EML5: variants seen among roughly 807,000 people sequenced by gnomAD.
EML5 encodes echinoderm microtubule-associated protein-like 5.
In EML5, 120 loss-of-function variants were observed where a neutral mutation model predicts 250.0. The ratio of observed to expected loss-of-function variants is 0.48; its 90% CI spans 0.41 to 0.56. The LOEUF is 0.56. EML5 is among the 20% of genes least tolerant of loss of function. The probability of loss-of-function intolerance (pLI) is 0.00; values close to 1 mark genes in which losing one functional copy is unlikely to be tolerated. For synonymous variants in EML5, 771 were observed against 806.5 expected (o/e 0.96, Z 0.75); for missense variants, 2,006 against 2,437.6 (o/e 0.82, Z 3.73).
At chr14:88,716,268 A>G (rs184828724) in intron 8 of EML5, among the ~76,000 whole-genome samples, 51 of 152,314 alleles carry the variant, frequency 3.3e-4, no homozygotes, top group African/African-American at 1.1e-3. Flanking sequence ...GCCCCAAGAT[A>G]AATCCAAGAT....
At chr14:88,684,101 G>C (rs544289927) in intron 20 of EML5, among the ~76,000 whole-genome samples, 2 of 151,346 alleles carry the variant, frequency 1.3e-5, no homozygotes, top group Admixed American at 6.6e-5. Context: ...AATAAATGAG[G>C]ACGGCAAGTT....
chr14:88,777,327 G>T (rs999872150), intron 1 of EML5, among the ~76,000 whole-genome samples: 17 of 152,112 alleles, frequency 1.1e-4, no homozygotes, highest in African/African-American at 4.1e-4. Flanking sequence ...CCCTAGAATA[G>T]TATATCCAGT....
intron 33 of EML5, among the ~76,000 whole-genome samples, chr14:88,631,215 T>G (rs1399123965): frequency 1.3e-5 from 2 of 152,176 alleles, no homozygotes; most frequent in Non-Finnish European, 2.9e-5. Context: ...CAATGCTAAC[T>G]TTTCTTTTTT....
At chr14:88,691,439 G>C (rs1455956672) in intron 17 of EML5, among the ~76,000 whole-genome samples, 1 of 152,120 alleles carries the variant, frequency 6.6e-6, no homozygotes, top group Non-Finnish European at 1.5e-5. Context: ...TGCCACCTTT[G>C]GTTCAGAGCA....
chr14:88,683,912 C>G (rs2141193124), intron 20 of EML5, among the ~76,000 whole-genome samples: 1 of 152,232 alleles, frequency 6.6e-6, no homozygotes, highest in East Asian at 1.9e-4. Context: ...CAAGGATGTT[C>G]TGTTCTCACC....
At chr14:88,669,795 C>T (rs2092408291) in intron 21 of EML5, among the ~76,000 whole-genome samples, 1 of 152,166 alleles carries the variant, frequency 6.6e-6, no homozygotes, top group Admixed American at 6.5e-5. Context: ...CTGGGTGAGA[C>T]CACCCCAACA....
Position 88,696,775 on chromosome 14 carries a change from T to C in EML5, c.2344+72A>G, listed in dbSNP as rs2093088957. 13 of 1,049,692 alleles carry C rather than the reference T, an allele frequency of 1.2e-5. No homozygotes were observed. In the South Asian group the frequency reaches 1.9e-4, roughly 15 times the overall value. 65.0% of individuals were successfully genotyped at this position (1,049,692 alleles called of 1,614,324 possible). On this transcript the variant is annotated intron_variant, in intron 15 of 43. Coordinates refer to ENST00000554922, the MANE Select transcript of EML5 (RefSeq NM_183387.3). ...GCTAAATGACAAGCTTAGGTAACAC[T>C]GACTTAGATTAAAATGCTATGTGTT...
Position 88,615,267 on chromosome 14 carries a change from A to C in EML5, c.*551T>G, listed in dbSNP as rs2087418073. 6.6e-6 allele frequency: 1 copy of C among 152,230 alleles called. No homozygotes were observed. Among genetic ancestry groups the C allele is most frequent in the South Asian group, 2.1e-4 (1 of 4,830 alleles). 9.4% of individuals were successfully genotyped at this position (152,230 alleles called of 1,614,324 possible). On this transcript the variant is annotated 3_prime_UTR_variant, in exon 44 of 44. Transcript: ENST00000554922. ...AAAAGGACCTTATTAATGCCTAAAA[A>C]ACATCATATTCTCTAGGAAAGCTTG...
intron 18 of EML5, 71 bp downstream of exon 18, chr14:88,688,184 TAGAAAGGCAGTGTTCC>T (rs2092879897): frequency 7.5e-7 from 1 of 1,338,714 alleles, no homozygotes; most frequent in African/African-American, 1.4e-5. Context: ...TCCAGGCAAG[TAGAAAGGCAGTGTTCC>T]TTTACTTCTT....
intron 33 of EML5, among the ~76,000 whole-genome samples, chr14:88,632,073 A>G (rs2090468747): frequency 6.6e-6 from 1 of 152,158 alleles, no homozygotes; most frequent in Non-Finnish European, 1.5e-5. Context: ...ATATCTGTGG[A>G]TAATTTCTTC....
At chr14:88,733,624 G>T (rs1403460991) in intron 7 of EML5, among the ~76,000 whole-genome samples, 1 of 152,186 alleles carries the variant, frequency 6.6e-6, no homozygotes, top group Non-Finnish European at 1.5e-5. Flanking sequence ...GTGAGGTAAG[G>T]TGTAGCCCCC....
At chr14:88,768,596 C>G (rs2145119) in intron 1 of EML5, among the ~76,000 whole-genome samples, 97,057 of 151,754 alleles carry the variant, frequency 0.64, 33,041 homozygotes, top group East Asian at 0.94. Flanking sequence ...ATTTTTAGTA[C>G]AGACGGGGTT....
At chr14:88,767,443 T>C (rs1407486657) in intron 1 of EML5, among the ~76,000 whole-genome samples, 2 of 152,220 alleles carry the variant, frequency 1.3e-5, no homozygotes, top group Non-Finnish European at 2.9e-5. Context: ...TTCATTATAC[T>C]GGAGCTAAGA....
chr14:88,738,809 C>T, intron 6 of EML5, 70 bp downstream of exon 6: 1 of 1,480,894 alleles, frequency 6.8e-7, no homozygotes, highest in Non-Finnish European at 9.1e-7. Context: ...TTTATACTCA[C>T]TGAAAGAAAG....
intron 4 of EML5, among the ~76,000 whole-genome samples, chr14:88,743,366 T>C (rs1027616682): frequency 6.6e-6 from 1 of 152,000 alleles, no homozygotes; most frequent in African/African-American, 2.4e-5. Context: ...AACATCACTA[T>C]GTACCCATGA....
chr14:88,661,297 C>A (rs989584784), intron 25 of EML5, among the ~76,000 whole-genome samples: 2 of 152,154 alleles, frequency 1.3e-5, no homozygotes, highest in African/African-American at 2.4e-5. Flanking sequence ...TGCTATGCTG[C>A]CCAGGCTGGC....
At chr14:88,758,718 A>G in intron 1 of EML5, among the ~76,000 whole-genome samples, 1 of 152,258 alleles carries the variant, frequency 6.6e-6, no homozygotes, top group East Asian at 1.9e-4. Context: ...CAAAACTTGT[A>G]CACAAATGTT....
At chr14:88,681,800 T>C (rs2092719161) in intron 21 of EML5, 90 bp downstream of exon 21, 9 of 1,375,010 alleles carry the variant, frequency 6.5e-6, no homozygotes, top group Middle Eastern at 2.0e-4. Flanking sequence ...TAAAGCCTTT[T>C]TAAAATGTGC....
At chr14:88,769,441 G>A (rs2094363213) in intron 1 of EML5, among the ~76,000 whole-genome samples, 1 of 152,142 alleles carries the variant, frequency 6.6e-6, no homozygotes, top group Non-Finnish European at 1.5e-5. Flanking sequence ...AGAACTGTGA[G>A]CCAGCTAAAC....
Sources: allele counts gnomAD v4.1 joint callset (sites outside exome capture counted in the v4.1 genomes callset), GRCh38; gene constraint gnomAD v4.1.1; transcripts MANE v1.5; gene names NCBI Gene and HGNC (gene_info 2026-07-23, HGNC 2026-07-21).